KIF19: variants seen among roughly 807,000 people sequenced by gnomAD.
The protein encoded by KIF19 is kinesin family member 19.
In KIF19, 98 loss-of-function variants were observed where a neutral mutation model predicts 106.6. The ratio of observed to expected loss-of-function variants is 0.92; its 90% CI spans 0.78 to 1.09. The LOEUF is 1.09. Among genes scored for constraint, KIF19 ranks in the 50% least tolerant of loss-of-function variants. The pLI, the probability that KIF19 is intolerant of heterozygous loss-of-function variation, is 0.00. For synonymous variants in KIF19, 516 were observed against 584.2 expected, an observed-to-expected ratio of 0.88 and a Z score of 1.68; for missense variants, 1,373 against 1,414.3, an observed-to-expected ratio of 0.97 and a Z score of 0.47.
At chr17:74,352,726 A>G in intron 14 of KIF19, 95 bp from the exon 15 acceptor site, 1 of 1,490,364 alleles carries the variant, frequency 6.7e-7, no homozygotes, top group Non-Finnish European at 9.3e-7. Context: ...AGGCCATCTT[A>G]CAGCCCTTGT....
chr17:74,341,441 G>C (rs189085049), intron 2 of KIF19, among the ~76,000 whole-genome samples: 1 of 152,192 alleles, frequency 6.6e-6, no homozygotes, highest in African/African-American at 2.4e-5. Flanking sequence ...GGCAGCATGG[G>C]GGGTGTTGAA....
chr17:74,336,702 G>C (rs977252029), intron 2 of KIF19, among the ~76,000 whole-genome samples: 8 of 152,208 alleles, frequency 5.3e-5, no homozygotes, highest in Non-Finnish European at 1.0e-4. Context: ...TGGGTTCTGA[G>C]ACCCACAACT....
rs1426966395 is a variant in KIF19, at chr17:74,331,065, G to A, written c.120+2560G>A. Among the ~76,000 whole-genome samples the A allele has an allele frequency of 2.0e-5, 3 of 152,198 alleles. No homozygotes were observed. Among genetic ancestry groups the A allele is most frequent in the Non-Finnish European group, 4.4e-5 (3 of 68,038 alleles). On this transcript the variant is annotated intron_variant, in intron 2 of 19. Transcript: ENST00000389916. This position sits in a 1 kb window ranked among gnomAD's most constrained non-coding sequence, Gnocchi z 4.1. ...CCTCTGACAAATAAATGCCTGGCAA[G>A]TAGGAGACAAGATACATGAACCCAG...
chr17:74,332,179 A>AGTGTGTGTGTGTGTGTGTGT (rs1270595840), intron 2 of KIF19, among the ~76,000 whole-genome samples: 2 of 117,706 alleles, frequency 1.7e-5, no homozygotes, highest in Non-Finnish European at 3.7e-5. Flanking sequence ...TGAACACCTC[A>AGTGTGTGTGTGTGTGTGTGT]GTGTGTGTGT....
chr17:74,350,194 G>A (rs2054658651), intron 10 of KIF19, among the ~76,000 whole-genome samples: 1 of 152,198 alleles, frequency 6.6e-6, no homozygotes, highest in Non-Finnish European at 1.5e-5. Context: ...GCTGGGAATT[G>A]CTTTTGGGCA....
At chr17:74,354,598 A>G (rs2054824175) in intron 18 of KIF19, 39 bp downstream of exon 18, 7 of 1,562,468 alleles carry the variant, frequency 4.5e-6, no homozygotes, top group Non-Finnish European at 6.1e-6. Flanking sequence ...AGGCACTCCC[A>G]TAGCAGCTGG....
At chr17:74,345,649 T>C (rs1414654910) in intron 7 of KIF19, among the ~76,000 whole-genome samples, 1 of 152,146 alleles carries the variant, frequency 6.6e-6, no homozygotes, top group Non-Finnish European at 1.5e-5. Context: ...CTGGGTGATG[T>C]CACCATTGCT....
At chr17:74,336,252 A>G (rs2054217625) in intron 2 of KIF19, among the ~76,000 whole-genome samples, 1 of 152,166 alleles carries the variant, frequency 6.6e-6, no homozygotes, top group African/African-American at 2.4e-5. Context: ...TACTTTTAGT[A>G]GAGATGGGAT....
chr17:74,350,793 A>T lies in KIF19; in HGVS notation c.1475A>T (p.Asp492Val). Residue 492 changes from aspartate to valine, a missense_variant, in exon 12 of 20, where the codon GAC (aspartate) becomes GTC (valine). Physicochemically the swap from Asp to Val is radical, Grantham distance 152. Coordinates refer to ENST00000389916, the MANE Select transcript of KIF19 (RefSeq NM_153209.4). The stretch of plus-strand genomic sequence containing the variant: ...TACGCTAAGGACGACAGCGAGAAGG[A>T]CTCAGACACAGGTGATGACCAACCA... ...ECYAKDDSEK[D>V]SDTGDDQPDI... The T allele has an allele frequency of 1.9e-6, 3 of 1,613,996 alleles. No individual in the cohort carries two copies. The highest frequency in any genetic ancestry group is 1.7e-6 in the Non-Finnish European group (2 of 1,179,896).
At chr17:74,333,773 G>A (rs2054151578) in intron 2 of KIF19, among the ~76,000 whole-genome samples, 1 of 151,746 alleles carries the variant, frequency 6.6e-6, no homozygotes, top group African/African-American at 2.4e-5. Flanking sequence ...AATCCACTGT[G>A]CCTGGCTGGT....
chr17:74,332,382 G>C (rs541636831), intron 2 of KIF19, among the ~76,000 whole-genome samples: 1 of 152,114 alleles, frequency 6.6e-6, no homozygotes, highest in South Asian at 2.1e-4. Context: ...AGGAGCCAGG[G>C]ACAGCCTGAG....
At chr17:74,353,161 G>C (rs758764034) in intron 15 of KIF19, 35 bp from the exon 16 acceptor site, 8 of 1,526,864 alleles carry the variant, frequency 5.2e-6, no homozygotes, top group Non-Finnish European at 7.1e-6. Context: ...AGATAGCCTG[G>C]TCTACAGCCA....
intron 3 of KIF19, 128 bp downstream of exon 3, chr17:74,342,114 C>CT: frequency 2.9e-6 from 2 of 681,532 alleles, no homozygotes; most frequent in Non-Finnish European, 5.1e-6. Context: ...CCCTCTGTTC[C>CT]TTGAGCCTTC....
intron 2 of KIF19, among the ~76,000 whole-genome samples, chr17:74,332,275 TTAG>T (rs1282473484): frequency 2.7e-5 from 4 of 150,738 alleles, no homozygotes; most frequent in Non-Finnish European, 5.9e-5. Context: ...GCTCCATGTC[TTAG>T]TAGCTCCTGG....
At position 74,352,021 on chromosome 17, in the gene KIF19, C is replaced by T. The variant is rs1417800948; in HGVS notation, c.1742C>T (p.Ser581Leu). 3.2e-6 allele frequency: 5 copies of T among 1,560,802 alleles called. No individual in the cohort carries two copies. The African/African-American group carries it at 4.1e-5, about 13-fold the overall frequency. Residue 581 changes from serine to leucine, a missense_variant, in exon 13 of 20, where the codon TCG becomes TTG. By Grantham distance (145) the Ser-to-Leu change is moderately radical (BLOSUM62 -2). Around this residue, in one of 3 missense-constraint regions of KIF19, gnomAD observed 1,020 missense variants for 1,008.2 expected, o/e 1.01. Coordinates refer to ENST00000389916, the MANE Select transcript of KIF19 (RefSeq NM_153209.4). ...ELEVENTEMQ[S>L]HALLRDGALR... ...GAGGTGGAGAACACCGAGATGCAGT[C>T]GCACGCGCTGCTCCGCGACGGTGCG...
intron 15 of KIF19, 61 bp downstream of exon 15, chr17:74,353,015 C>G: frequency 6.3e-7 from 1 of 1,591,250 alleles, no homozygotes; most frequent in Non-Finnish European, 8.6e-7. Flanking sequence ...GAGGCCAACC[C>G]AGACTAAGGC....
intron 8 of KIF19, among the ~76,000 whole-genome samples, chr17:74,347,077 T>G (rs1402641117): frequency 6.6e-6 from 1 of 152,206 alleles, no homozygotes; most frequent in East Asian, 1.9e-4. Context: ...AGTTAGGTAA[T>G]GTTCCTAAGG....
At chr17:74,328,368 C>A (rs1035946499) in intron 1 of KIF19, 57 bp from the exon 2 acceptor site, 1 of 1,510,718 alleles carries the variant, frequency 6.6e-7, no homozygotes, top group Non-Finnish European at 9.0e-7. Context: ...TGAGGTCTCT[C>A]TGAGGCCCAG....
chr17:74,342,652 C>A lies in KIF19; in HGVS notation c.254C>A (p.Thr85Asn). 1 of 1,613,586 alleles carries A rather than the reference C, an allele frequency of 6.2e-7. No homozygotes were observed. The highest frequency in any genetic ancestry group is 8.5e-7 in the Non-Finnish European group (1 of 1,179,774). Reference sequence around the variant, plus strand: ...CAGGAGATGGTGTATCAGGCCACCACCAAGAGCCTCATCGAGGGCGTCATC... The same window carrying A: ...CAGGAGATGGTGTATCAGGCCACCAACAAGAGCCTCATCGAGGGCGTCATC... ...ATQEMVYQAT[T>N]KSLIEGVISG... The change falls in exon 4 of 20, where the codon ACC becomes AAC. Residue 85 changes from threonine (T) to asparagine (N), a missense_variant. By Grantham distance (65) the Thr-to-Asn change is moderately conservative. Transcript: ENST00000389916.
Sources: gnomAD v4.1 joint callset for allele counts (sites outside exome capture counted in the v4.1 genomes callset) on GRCh38, gnomAD v4.1.1 for gene constraint, gnomAD v4.1.1 regional missense constraint, Gnocchi (gnomAD v3.1) non-coding constraint, MANE v1.5 for transcripts, NCBI Gene and HGNC (gene_info 2026-07-23, HGNC 2026-07-21) for gene names.